The following IRAK2 variants were observed in gnomAD, a reference collection of about 807,000 sequenced individuals.
IRAK2 encodes interleukin-1 receptor-associated kinase-like 2.
IRAK2 carries 57 observed loss-of-function variants against 72.0 expected under a neutral mutation model. That is an observed-to-expected ratio of 0.79 (90% CI 0.64 to 0.99). The LOEUF is 0.99. IRAK2 is among the 50% of genes least tolerant of loss of function. The probability of loss-of-function intolerance (pLI) is 0.00; values close to 1 mark genes in which losing one functional copy is unlikely to be tolerated. For missense variants in IRAK2, 790 were observed against 794.4 expected, an observed-to-expected ratio of 0.99 and a Z score of 0.07; for synonymous variants, 293 against 312.7, an observed-to-expected ratio of 0.94 and a Z score of 0.67.
chr3:10,196,874 G>T (rs1055896407), intron 2 of IRAK2, among the ~76,000 whole-genome samples: 12 of 152,076 alleles, frequency 7.9e-5, no homozygotes, highest in Admixed American at 2.0e-4. Context: ...TCTCATGAAG[G>T]GCTGATTCAT....
chr3:10,223,323 A>G (rs1450278110), intron 9 of IRAK2, among the ~76,000 whole-genome samples: 1 of 151,918 alleles, frequency 6.6e-6, no homozygotes, highest in Non-Finnish European at 1.5e-5. Flanking sequence ...GCGACCACTG[A>G]CCCACCCAGC....
In IRAK2 at chr3:10,177,923, G is replaced by T. The variant is rs1437092889; in HGVS notation, c.180G>T (p.Leu60=). ...AGGGTGTGAGCATCACGCGGGAGCT[G>T]CTGTGGTGGTGGGGCATGCGGCAGG... ...RVQGVSITRE[L]LWWWGMRQAT... is the part of the protein sequence containing the mutation. The change falls in exon 2 of 13, where the codon CTG becomes CTT. Residue 60 remains leucine, a synonymous_variant. Coordinates refer to ENST00000256458, the MANE Select transcript of IRAK2 (RefSeq NM_001570.4). 1 of 1,613,908 alleles carries T rather than the reference G, an allele frequency of 6.2e-7. No individual in the cohort carries two copies. Among genetic ancestry groups the T allele is most frequent in the Admixed American group, 1.7e-5 (1 of 60,024 alleles).
intron 2 of IRAK2, among the ~76,000 whole-genome samples, chr3:10,184,633 G>C (rs11711714): frequency 6.6e-6 from 1 of 151,092 alleles, no homozygotes; most frequent in Non-Finnish European, 1.5e-5. Flanking sequence ...TGAGAAACAC[G>C]AGGTAGTTAC....
At chr3:10,183,944 G>GT (rs969497946) in intron 2 of IRAK2, among the ~76,000 whole-genome samples, 2 of 152,132 alleles carry the variant, frequency 1.3e-5, no homozygotes, top group Admixed American at 1.3e-4. Context: ...ACAGGCGTTC[G>GT]TTTCCCTCTC....
intron 3 of IRAK2, among the ~76,000 whole-genome samples, chr3:10,208,330 C>G (rs1336434000): frequency 6.6e-6 from 1 of 151,904 alleles, no homozygotes; most frequent in East Asian, 1.9e-4. Flanking sequence ...GAGACAGGGT[C>G]TCATTCTGCC....
chr3:10,170,204 C>T (rs544028335), intron 1 of IRAK2, among the ~76,000 whole-genome samples: 1 of 152,264 alleles, frequency 6.6e-6, no homozygotes, highest in African/African-American at 2.4e-5. Context: ...TGTGTATCAT[C>T]ACATCTGTCT....
chr3:10,194,932 G>A (rs1697240006), intron 2 of IRAK2, among the ~76,000 whole-genome samples: 1 of 152,150 alleles, frequency 6.6e-6, no homozygotes, highest in Non-Finnish European at 1.5e-5. Context: ...CCTCTTGTGT[G>A]GGAGGGTGGA....
intron 1 of IRAK2, among the ~76,000 whole-genome samples, chr3:10,170,103 G>A (rs1423368484): frequency 1.3e-5 from 2 of 152,142 alleles, no homozygotes; most frequent in African/African-American, 4.8e-5. Context: ...GTGGCTCTAG[G>A]GAGGAGTCGG....
intron 2 of IRAK2, among the ~76,000 whole-genome samples, chr3:10,199,061 G>C (rs73026543): frequency 2.0e-5 from 3 of 152,056 alleles, no homozygotes; most frequent in Non-Finnish European, 4.4e-5. Flanking sequence ...CCCCATAAAG[G>C]CTTCAAGCAG....
At position 10,226,392 on chromosome 3, in the gene IRAK2, G is replaced by A; in HGVS notation, c.1231G>A (p.Gly411Ser). ...CCAGGTGTTGGCCGAGGTCCTCACG[G>A]GCATCCCTGCAATGGATAACAACCG... The part of the protein sequence containing the change: ...CGIVLAEVLT[G>S]IPAMDNNRSP... The change falls in exon 10 of 13, where the codon GGC (glycine) becomes AGC (serine). Residue 411 changes from glycine to serine, a missense_variant. Gly to Ser is a moderately conservative substitution (Grantham distance 56). Transcript: ENST00000256458. The A allele has an allele frequency of 6.2e-7, 1 of 1,613,580 alleles. No homozygotes were observed. Among genetic ancestry groups the A allele is most frequent in the Non-Finnish European group, 8.5e-7 (1 of 1,179,834 alleles).
chr3:10,238,844 A>G lies in IRAK2; in HGVS notation c.1570A>G (p.Asn524Asp). 4.3e-6 allele frequency: 7 copies of G among 1,614,006 alleles called. No individual in the cohort carries two copies. Among genetic ancestry groups the G allele is most frequent in the Non-Finnish European group, 5.9e-6 (7 of 1,179,972 alleles). Reference protein sequence around the residue: ...GLSEGTGSSSNTPEETDDVDN... With the variant: ...GLSEGTGSSSDTPEETDDVDN... ...TTCTGAGGGTACAGGCTCTTCTTCC[A>G]ACACCCCAGAGGAAACAGACGACGT... is the stretch of plus-strand genomic sequence containing the variant. The change falls in exon 12 of 13, where the codon AAC becomes GAC. Residue 524 changes from asparagine (N) to aspartate (D), a missense_variant. Asn to Asp is a conservative substitution (Grantham distance 23). Coordinates refer to ENST00000256458, the MANE Select transcript of IRAK2 (RefSeq NM_001570.4).
At chr3:10,219,266 G>C (rs896371368) in intron 7 of IRAK2, among the ~76,000 whole-genome samples, 6 of 152,092 alleles carry the variant, frequency 3.9e-5, no homozygotes, top group African/African-American at 1.4e-4. Flanking sequence ...ATGAAGGGTG[G>C]GAGGAGGATC....
intron 6 of IRAK2, among the ~76,000 whole-genome samples, chr3:10,216,154 G>T (rs147354705): frequency 0.014 from 2,069 of 152,296 alleles, 19 homozygotes; most frequent in Non-Finnish European, 0.023. Context: ...GGGGAATGAA[G>T]GGACATTTTA....
At chr3:10,209,831 G>C (rs1024501009) in intron 4 of IRAK2, 139 bp downstream of exon 4, 4 of 472,332 alleles carry the variant, frequency 8.5e-6, no homozygotes, top group African/African-American at 8.2e-5. Context: ...ATTACCCCAA[G>C]CTTCTAAGAC....
chr3:10,184,356 T>C (rs1476653625), intron 2 of IRAK2, among the ~76,000 whole-genome samples: 1 of 152,192 alleles, frequency 6.6e-6, no homozygotes, highest in Non-Finnish European at 1.5e-5. Context: ...CACGGTCCAT[T>C]TTGGCCACCC....
chr3:10,237,690 C>G (rs967907883), intron 11 of IRAK2, among the ~76,000 whole-genome samples: 1 of 151,154 alleles, frequency 6.6e-6, no homozygotes, highest in Non-Finnish European at 1.5e-5. Flanking sequence ...ACCTGTTGTC[C>G]CAGCTACTCA....
At chr3:10,224,521 G>GGCACCCTGCACCCT (rs1047709069) in intron 9 of IRAK2, among the ~76,000 whole-genome samples, 12 of 120,636 alleles carry the variant, frequency 9.9e-5, no homozygotes, top group East Asian at 1.1e-3. Context: ...AGGTGAGCAT[G>GGCACCCTGCACCCT]GCACCCTGCA....
chr3:10,179,622 C>T (rs1279894897), intron 2 of IRAK2, among the ~76,000 whole-genome samples: 2 of 151,804 alleles, frequency 1.3e-5, no homozygotes, highest in Non-Finnish European at 1.5e-5. Flanking sequence ...TTAGTATAGA[C>T]GGGGTTTCAC....
intron 1 of IRAK2, among the ~76,000 whole-genome samples, chr3:10,165,662 T>C (rs1696672241): frequency 7.0e-6 from 1 of 142,192 alleles, no homozygotes; most frequent in East Asian, 2.2e-4. Flanking sequence ...CCCTGGCTAA[T>C]TTTTTGTATT....
Sources: gnomAD v4.1 joint callset for allele counts (sites outside exome capture counted in the v4.1 genomes callset) on GRCh38, gnomAD v4.1.1 for gene constraint, MANE v1.5 for transcripts, NCBI Gene and HGNC (gene_info 2026-07-23, HGNC 2026-07-21) for gene names.